Variants in DSCAML1 observed in about 807,000 individuals in gnomAD.
DSCAML1 encodes cell adhesion molecule DSCAML1.
DSCAML1 carries 38 observed loss-of-function variants against 200.5 expected under a neutral mutation model. The observed-to-expected ratio is 0.19, with a 90% confidence interval of 0.15 to 0.25. The LOEUF (loss-of-function observed/expected upper bound fraction) is 0.25, where lower values mean the gene tolerates loss of function less well. DSCAML1 is among the 10% of genes least tolerant of loss of function. DSCAML1 has a pLI of 1.00. For missense variants in DSCAML1, 2,223 were observed against 2,858.8 expected (o/e 0.78, Z 5.07); for synonymous variants, 1,215 against 1,165.0 (o/e 1.04, Z -0.87).
rs1174274166 is a variant in DSCAML1 at position 117,443,907 on chromosome 11, T to A, written c.3841A>T (p.Thr1281Ser). 6.2e-7 allele frequency: 1 copy of A among 1,609,374 alleles called. No individual in the cohort carries two copies. The highest frequency in any genetic ancestry group is 1.7e-5 in the Admixed American group (1 of 59,904). ...TCACCCTTGCCAGCAGGCTCGATGG[T>A]CACCTTCTCGCTGCTGTTGCCCCGG... Reference protein sequence around the residue: ...AGRGNSSEKVTIEPAGKAPAK... With the variant: ...AGRGNSSEKVSIEPAGKAPAK... Residue 1281 changes from threonine (T) to serine (S), a missense_variant, in exon 21 of 33, where the codon ACC becomes TCC. Physicochemically the swap from Thr to Ser is moderately conservative, Grantham distance 58. Around this residue, in one of 7 missense-constraint regions of DSCAML1, gnomAD observed 614 missense variants for 739.1 expected, o/e 0.83. Transcript: ENST00000651296.
At chr11:117,448,324 T>C (rs1465948857) in intron 20 of DSCAML1, among the ~76,000 whole-genome samples, 1 of 152,152 alleles carries the variant, frequency 6.6e-6, no homozygotes, top group African/African-American at 2.4e-5. Context: ...GGCTATAGAA[T>C]TGCTAGGCTG....
rs192963168 is a variant in DSCAML1 at position 117,502,886 on chromosome 11, C to T, written c.2359+959G>A. Among the ~76,000 whole-genome samples the T allele has an allele frequency of 6.3e-4, 85 of 134,542 alleles. 1 individual carries two copies. Among genetic ancestry groups the T allele is most frequent in the Admixed American group, 7.4e-4 (10 of 13,490 alleles). 88.3% of individuals were successfully genotyped at this position (134,542 alleles called of 152,430 possible). ...TGTAGATCAGGAAAATGAAGTAGCA[C>T]GAGGCCAAGTATGCTCATCAAGGTC... On this transcript the variant is annotated intron_variant, in intron 11 of 32. Transcript: ENST00000651296.
chr11:117,768,789 T>A (rs2054943802), intron 3 of DSCAML1, among the ~76,000 whole-genome samples: 1 of 152,134 alleles, frequency 6.6e-6, no homozygotes, highest in African/African-American at 2.4e-5. Flanking sequence ...CTGTCTTCTT[T>A]CCAACACATC....
intron 1 of DSCAML1, among the ~76,000 whole-genome samples, chr11:117,810,463 A>T (rs1346961151): frequency 6.6e-6 from 1 of 150,596 alleles, no homozygotes; most frequent in African/African-American, 2.4e-5. Context: ...CCGTGCCCCA[A>T]CCCTTTCTCT....
At chr11:117,610,262 TC>T (rs2051661152) in intron 3 of DSCAML1, among the ~76,000 whole-genome samples, 1 of 152,134 alleles carries the variant, frequency 6.6e-6, no homozygotes, top group Admixed American at 6.6e-5. Context: ...AGAGACCAGT[TC>T]CTCCCGCCCC....
intron 3 of DSCAML1, among the ~76,000 whole-genome samples, chr11:117,673,870 T>C (rs1383408527): frequency 2.6e-5 from 4 of 152,250 alleles, no homozygotes; most frequent in Non-Finnish European, 5.9e-5. Context: ...TAGGCTGCCC[T>C]GGAACTCAGC....
At chr11:117,594,008 G>A (rs1414887844) in intron 3 of DSCAML1, among the ~76,000 whole-genome samples, 1 of 152,146 alleles carries the variant, frequency 6.6e-6, no homozygotes, top group African/African-American at 2.4e-5. Flanking sequence ...CCACCACACT[G>A]GGCTGAACTC....
intron 3 of DSCAML1, among the ~76,000 whole-genome samples, chr11:117,740,296 C>T (rs558336981): frequency 6.6e-6 from 1 of 152,334 alleles, no homozygotes; most frequent in Admixed American, 6.5e-5. Context: ...ACAGGTTATG[C>T]AGCTGGTAAT....
chr11:117,639,374 G>A (rs978795361), intron 3 of DSCAML1, among the ~76,000 whole-genome samples: 8 of 149,924 alleles, frequency 5.3e-5, no homozygotes, highest in Non-Finnish European at 1.0e-4. Flanking sequence ...GAGGCCGGAT[G>A]GGTAGGAGGC....
At chr11:117,483,976 C>A (rs2137224722) in intron 11 of DSCAML1, among the ~76,000 whole-genome samples, 1 of 151,806 alleles carries the variant, frequency 6.6e-6, no homozygotes, top group African/African-American at 2.4e-5. Context: ...GGCAATCGTG[C>A]AAAAAGGGGC....
chr11:117,471,923 T>G lies in DSCAML1; in HGVS notation c.2899A>C (p.Lys967Gln). The G allele has an allele frequency of 6.2e-7, 1 of 1,614,036 alleles. No homozygotes were observed. The highest frequency in any genetic ancestry group is 8.5e-7 in the Non-Finnish European group (1 of 1,179,968). Residue 967 changes from lysine (K) to glutamine (Q), a missense_variant, in exon 15 of 33, where the codon AAG (lysine) becomes CAG (glutamine). This residue lies in a region of DSCAML1 where 438 missense variants were observed against 629.7 expected (regional missense o/e 0.70). Coordinates refer to ENST00000651296, the MANE Select transcript of DSCAML1 (RefSeq NM_020693.4). ...VYSIRMYSFN[K>Q]IGRSEPSKEL... ...TTGCTTGGTTCACTGCGGCCAATCT[T>G]GTTGAAAGAGTACATGCGGATGCTG...
In DSCAML1 at chr11:117,437,887, G is replaced by T; in HGVS notation, c.4432+8C>A. 1 of 1,600,226 alleles carries T rather than the reference G, an allele frequency of 6.2e-7. No individual in the cohort carries two copies. The stretch of plus-strand genomic sequence containing the variant: ...GCTCCTTCCCTGCCCCAGTGGCCTG[G>T]GCCTCACCCCGCCCGTGGGTCTTGG... On this transcript the variant is annotated splice_region_variant and intron_variant, in intron 25 of 32. Coordinates refer to ENST00000651296, the MANE Select transcript of DSCAML1 (RefSeq NM_020693.4). This position sits in a 1 kb window ranked among gnomAD's most constrained non-coding sequence, Gnocchi z 5.3.
intron 3 of DSCAML1, among the ~76,000 whole-genome samples, chr11:117,716,858 C>A (rs896477576): frequency 5.4e-4 from 83 of 152,296 alleles, no homozygotes; most frequent in African/African-American, 1.9e-3. Context: ...TTGTGCGCTG[C>A]CACGGCAGAG....
At chr11:117,453,351 C>T (rs759578892) in intron 19 of DSCAML1, among the ~76,000 whole-genome samples, 3 of 152,198 alleles carry the variant, frequency 2.0e-5, no homozygotes, top group African/African-American at 4.8e-5. Flanking sequence ...TGCCTTTACT[C>T]GTTGCATCAT....
intron 8 of DSCAML1, among the ~76,000 whole-genome samples, chr11:117,508,140 C>A (rs1219354988): frequency 2.0e-5 from 3 of 152,144 alleles, no homozygotes; most frequent in Non-Finnish European, 1.5e-5. Flanking sequence ...CTAGAAGAAC[C>A]AGTTCTGGCC....
chr11:117,619,157 C>G (rs1031785378), intron 3 of DSCAML1, among the ~76,000 whole-genome samples: 1 of 152,242 alleles, frequency 6.6e-6, no homozygotes, highest in African/African-American at 2.4e-5. Context: ...CCCGTAAGGG[C>G]TGCCAAGTCG....
In DSCAML1 at chr11:117,546,881, C is replaced by T. The variant is rs543861840; in HGVS notation, c.512-14359G>A. On this transcript the variant is annotated intron_variant, in intron 3 of 32. Coordinates refer to ENST00000651296, the MANE Select transcript of DSCAML1 (RefSeq NM_020693.4). ...ATTATGCTGTAATAAAACTGGAGCG[C>T]TCCCAGGCTTCCTTTCAAATGACTT... 3.0e-4 allele frequency among the ~76,000 whole-genome samples: 45 copies of T among 152,282 alleles called. No homozygotes were observed. In the South Asian group the frequency reaches 5.6e-3, roughly 19 times the overall value.
At chr11:117,750,383 A>G (rs2105634) in intron 3 of DSCAML1, among the ~76,000 whole-genome samples, 146,035 of 152,278 alleles carry the variant, frequency 0.96, 70,344 homozygotes, top group East Asian at 1. Flanking sequence ...CCCAGGGACA[A>G]TCAGTTGTGA....
intron 3 of DSCAML1, among the ~76,000 whole-genome samples, chr11:117,761,926 G>C (rs1263318037): frequency 6.6e-6 from 1 of 152,180 alleles, no homozygotes; most frequent in Non-Finnish European, 1.5e-5. Flanking sequence ...ACCTTATAAT[G>C]ATACTGGGTA....
Sources: gnomAD v4.1 joint callset for allele counts (sites outside exome capture counted in the v4.1 genomes callset) on GRCh38, gnomAD v4.1.1 for gene constraint, gnomAD v4.1.1 regional missense constraint, Gnocchi (gnomAD v3.1) non-coding constraint, MANE v1.5 for transcripts, NCBI Gene and HGNC (gene_info 2026-07-23, HGNC 2026-07-21) for gene names.